The following RGS20 variants were observed in gnomAD, a reference collection of about 807,000 sequenced individuals.
The protein encoded by RGS20 is gz-selective GTPase-activating protein.
Under a neutral mutation model 33.6 loss-of-function variants are expected in RGS20, and 30 were observed. The ratio of observed to expected loss-of-function variants is 0.89; its 90% CI spans 0.67 to 1.21. The LOEUF is 1.21. RGS20 is among the 50% of genes most tolerant of loss of function. The pLI, the probability that RGS20 is intolerant of heterozygous loss-of-function variation, is 0.00. For synonymous variants in RGS20, 208 were observed against 197.9 expected (o/e 1.05, Z -0.43); for missense variants, 472 against 502.4 (o/e 0.94, Z 0.58).
chr8:53,917,934 G>GTC (rs1433829027), intron 2 of RGS20, among the ~76,000 whole-genome samples: 8 of 152,094 alleles, frequency 5.3e-5, no homozygotes, highest in Non-Finnish European at 8.8e-5. Flanking sequence ...TCTACTTTCT[G>GTC]TCTCTCTAGA....
At chr8:53,889,732 T>C (rs1029077939) in intron 2 of RGS20, among the ~76,000 whole-genome samples, 1 of 150,566 alleles carries the variant, frequency 6.6e-6, no homozygotes, top group African/African-American at 2.5e-5. Context: ...TCTGTGTGTG[T>C]GTGTGTGTGT....
chr8:53,931,745 C>T (rs1813969713), intron 2 of RGS20, among the ~76,000 whole-genome samples: 2 of 152,128 alleles, frequency 1.3e-5, no homozygotes, highest in Admixed American at 6.5e-5. Context: ...GTGCAGCCCA[C>T]GGAGGGTGAG....
chr8:53,865,283 C>T (rs1811894627), intron 1 of RGS20, among the ~76,000 whole-genome samples: 1 of 152,214 alleles, frequency 6.6e-6, no homozygotes, highest in Non-Finnish European at 1.5e-5. Context: ...GTCAGGCCTT[C>T]TCTGAACATC....
Position 53,938,850 on chromosome 8 carries a change from T to G in RGS20, c.511-726T>G, listed in dbSNP as rs78331426. Reference sequence around the variant, plus strand: ...GCAGAGGCTGAAGGGCACAGATCTTTTGTGTCGTATGGCTTGGCCTCCATT... The same window carrying G: ...GCAGAGGCTGAAGGGCACAGATCTTGTGTGTCGTATGGCTTGGCCTCCATT... On this transcript the variant is annotated intron_variant, in intron 2 of 5. Transcript: ENST00000297313. Among the ~76,000 whole-genome samples the G allele has an allele frequency of 3.4e-3, 519 of 152,292 alleles. 4 individuals are homozygous for G. The highest frequency in any genetic ancestry group is 0.012 in the African/African-American group (497 of 41,554).
At chr8:53,904,561 T>C (rs1216602949) in intron 2 of RGS20, among the ~76,000 whole-genome samples, 1 of 152,252 alleles carries the variant, frequency 6.6e-6, no homozygotes, top group African/African-American at 2.4e-5. Context: ...AGTAAATAGC[T>C]GGCCATTCTC....
At chr8:53,899,638 C>T (rs756752925) in intron 2 of RGS20, among the ~76,000 whole-genome samples, 14 of 152,184 alleles carry the variant, frequency 9.2e-5, no homozygotes, top group Admixed American at 2.0e-4. Flanking sequence ...TTGCCTGTTC[C>T]GAACATTTTA....
At chr8:53,895,582 G>A (rs1214179940) in intron 2 of RGS20, among the ~76,000 whole-genome samples, 1 of 152,004 alleles carries the variant, frequency 6.6e-6, no homozygotes, top group African/African-American at 2.4e-5. Flanking sequence ...AAGGCACAGG[G>A]CCACCTCCAG....
At chr8:53,924,901 C>G (rs1813751311) in intron 2 of RGS20, among the ~76,000 whole-genome samples, 1 of 152,210 alleles carries the variant, frequency 6.6e-6, no homozygotes, top group African/African-American at 2.4e-5. Flanking sequence ...CAGCAGAGGT[C>G]AGCTACAGTT....
intron 3 of RGS20, among the ~76,000 whole-genome samples, chr8:53,943,357 G>T (rs1039027965): frequency 6.6e-5 from 10 of 152,052 alleles, no homozygotes; most frequent in African/African-American, 2.4e-4. Context: ...ACATTTTGCT[G>T]TAAGGCCTTC....
chr8:53,861,614 A>G (rs113026339), intron 1 of RGS20, among the ~76,000 whole-genome samples: 2 of 152,288 alleles, frequency 1.3e-5, no homozygotes, highest in African/African-American at 4.8e-5. Flanking sequence ...ATCTGTGACC[A>G]TTTGCCCAGA....
At chr8:53,889,531 C>G (rs1186203933) in intron 2 of RGS20, among the ~76,000 whole-genome samples, 1 of 146,490 alleles carries the variant, frequency 6.8e-6, no homozygotes, top group African/African-American at 2.5e-5. Context: ...AGGTGTCCAC[C>G]ACCACACTCA....
intron 2 of RGS20, among the ~76,000 whole-genome samples, chr8:53,889,412 CTTTTTTTTTTTTTTTTTTT>C (rs34316630): frequency 5.7e-4 from 24 of 41,860 alleles, no homozygotes; most frequent in East Asian, 2.4e-3. Flanking sequence ...CTCTCTCTCT[CTTTTTTTTTTTTTTTTTTT>C]TTTTTTTTTT....
intron 1 of RGS20, among the ~76,000 whole-genome samples, chr8:53,856,536 C>G (rs1213663764): frequency 1.3e-5 from 2 of 152,044 alleles, no homozygotes; most frequent in Non-Finnish European, 2.9e-5. Context: ...TTTCTTTTTT[C>G]TTCCATCAGG....
At chr8:53,894,963 T>C (rs1378108919) in intron 2 of RGS20, among the ~76,000 whole-genome samples, 3 of 151,948 alleles carry the variant, frequency 2.0e-5, no homozygotes, top group Non-Finnish European at 4.4e-5. Flanking sequence ...AGTTAGTAAA[T>C]ATTTTAGGCT....
chr8:53,946,539 T>G (rs1341838220), intron 3 of RGS20, 126 bp from the exon 3 acceptor site: 1 of 848,930 alleles, frequency 1.2e-6, no homozygotes, highest in Non-Finnish European at 2.0e-6. Flanking sequence ...GGGTCATTTT[T>G]TTTTCCAAGT....
At chr8:53,953,391 C>A (rs540159291) in intron 4 of RGS20, among the ~76,000 whole-genome samples, 1 of 151,856 alleles carries the variant, frequency 6.6e-6, no homozygotes, top group African/African-American at 2.4e-5. Context: ...CGTGGTGGCA[C>A]GTGCCTGCAG....
At chr8:53,905,858 A>G (rs1248378698) in intron 2 of RGS20, among the ~76,000 whole-genome samples, 1 of 152,230 alleles carries the variant, frequency 6.6e-6, no homozygotes, top group African/African-American at 2.4e-5. Flanking sequence ...AAACATCTTC[A>G]GAAACTGTTT....
At chr8:53,923,292 TTTC>T (rs1813701260) in intron 2 of RGS20, among the ~76,000 whole-genome samples, 1 of 151,900 alleles carries the variant, frequency 6.6e-6, no homozygotes, top group South Asian at 2.1e-4. Context: ...ACGTATAGAG[TTTC>T]TTCTTTAAAA....
At chr8:53,925,612 G>T (rs1190878790) in intron 2 of RGS20, among the ~76,000 whole-genome samples, 1 of 152,198 alleles carries the variant, frequency 6.6e-6, no homozygotes, top group Admixed American at 6.5e-5. Flanking sequence ...GCACATGCCT[G>T]TAATCCCAGC....
Sources: allele counts gnomAD v4.1 joint callset (sites outside exome capture counted in the v4.1 genomes callset), GRCh38; gene constraint gnomAD v4.1.1; transcripts MANE v1.5; gene names NCBI Gene and HGNC (gene_info 2026-07-23, HGNC 2026-07-21).